CAMK4: variants seen among roughly 807,000 people sequenced by gnomAD.
CAMK4 encodes calcium/calmodulin-dependent protein kinase type IV.
A neutral mutation model predicts 44.9 loss-of-function variants in CAMK4; 22 were observed. The observed-to-expected ratio is 0.49, with a 90% confidence interval of 0.35 to 0.70. CAMK4 has a LOEUF of 0.70. Among genes scored for constraint, CAMK4 ranks in the 30% least tolerant of loss-of-function variants. The probability of loss-of-function intolerance (pLI) is 0.01; values close to 1 mark genes in which losing one functional copy is unlikely to be tolerated. For missense variants in CAMK4, 498 were observed against 586.8 expected (o/e 0.85, Z 1.56); for synonymous variants, 218 against 215.4 (o/e 1.01, Z -0.11).
chr5:111,402,580 A>G (rs1752270611), intron 5 of CAMK4, among the ~76,000 whole-genome samples: 1 of 152,174 alleles, frequency 6.6e-6, no homozygotes, highest in Non-Finnish European at 1.5e-5. Flanking sequence ...CTTATTCCTC[A>G]TTGGCAGAAA....
Position 111,488,074 on chromosome 5 carries a change from G to C in CAMK4, c.*3608G>C, listed in dbSNP as rs895264643. On this transcript the variant is annotated 3_prime_UTR_variant, in exon 11 of 11. Transcript: ENST00000282356. ...CTGCCATGATGCCAATAGCATTCTT[G>C]CTTACCAAAATCTACTCTCAGCCAA... The C allele has an allele frequency of 2.0e-5, 3 of 152,108 alleles. No homozygotes were observed. Among genetic ancestry groups the C allele is most frequent in the Non-Finnish European group, 4.4e-5 (3 of 68,022 alleles). 9.4% of individuals were successfully genotyped at this position (152,108 alleles called of 1,614,324 possible).
intron 1 of CAMK4, among the ~76,000 whole-genome samples, chr5:111,329,926 C>A (rs1469327822): frequency 6.6e-6 from 1 of 151,624 alleles, no homozygotes; most frequent in Non-Finnish European, 1.5e-5. Context: ...ACTTTAAGAT[C>A]AGGAATAAGG....
chr5:111,309,453 C>A (rs1748105190), intron 1 of CAMK4, among the ~76,000 whole-genome samples: 1 of 152,100 alleles, frequency 6.6e-6, no homozygotes, highest in Non-Finnish European at 1.5e-5. Flanking sequence ...AATATGTGCC[C>A]ATTTTTGTTG....
rs79680484 is a variant in CAMK4, at chr5:111,310,054, G to T, written c.162-33970G>T. Among the ~76,000 whole-genome samples, 562 of 152,220 alleles carry T rather than the reference G, an allele frequency of 3.7e-3. 5 individuals are homozygous for T. The highest frequency in any genetic ancestry group is 8.1e-3 in the Admixed American group (124 of 15,294). On this transcript the variant is annotated intron_variant, in intron 1 of 10. Coordinates refer to ENST00000282356, the MANE Select transcript of CAMK4 (RefSeq NM_001744.6). ...AACCTGAGGAGAGTTTACTGACACC[G>T]TTTCATGAGTGCATACATTTACCTG...
intron 4 of CAMK4, among the ~76,000 whole-genome samples, chr5:111,379,243 G>A (rs928649183): frequency 5.3e-5 from 8 of 152,138 alleles, no homozygotes; most frequent in African/African-American, 1.7e-4. Flanking sequence ...ATTGGCTTGA[G>A]TTAATTGGGA....
intron 1 of CAMK4, among the ~76,000 whole-genome samples, chr5:111,335,020 A>G (rs1749339038): frequency 6.6e-6 from 1 of 151,448 alleles, no homozygotes; most frequent in Non-Finnish European, 1.5e-5. Flanking sequence ...TTACATGGCC[A>G]TGAAGCATAT....
intron 5 of CAMK4, among the ~76,000 whole-genome samples, chr5:111,399,446 A>G (rs77529507): frequency 0.04 from 6,139 of 152,284 alleles, 174 homozygotes; most frequent in Middle Eastern, 0.071. Context: ...ATTATTTAAA[A>G]TTGAACAGTA....
Position 111,224,477 on chromosome 5 carries a change from T to C in CAMK4, c.-7T>C. 6.3e-7 allele frequency: 1 copy of C among 1,595,014 alleles called. No homozygotes were observed. Among genetic ancestry groups the C allele is most frequent in the Non-Finnish European group, 8.5e-7 (1 of 1,173,370 alleles). On this transcript the variant is annotated 5_prime_UTR_variant, in exon 1 of 11. Transcript: ENST00000282356. This position sits in a 1 kb window ranked among gnomAD's most constrained non-coding sequence, Gnocchi z 5.7. ...GCGGCGGCGGCTTCCGGAGTCCCGC[T>C]GCGAAGATGCTCAAAGTCACGGTGC...
At chr5:111,326,430 T>A (rs416297) in intron 1 of CAMK4, among the ~76,000 whole-genome samples, 1,890 of 152,064 alleles carry the variant, frequency 0.012, 34 homozygotes, top group African/African-American at 0.043. Flanking sequence ...TTATATCTGT[T>A]AAGTAAATAC....
intron 7 of CAMK4, among the ~76,000 whole-genome samples, chr5:111,463,026 T>C (rs1007201377): frequency 1.3e-5 from 2 of 152,222 alleles, no homozygotes; most frequent in Non-Finnish European, 2.9e-5. Flanking sequence ...AAGTCTGGCA[T>C]CTTGAGAATT....
At chr5:111,430,216 C>A (rs1580742547) in intron 5 of CAMK4, among the ~76,000 whole-genome samples, 1 of 152,098 alleles carries the variant, frequency 6.6e-6, no homozygotes, top group African/African-American at 2.4e-5. Context: ...GGGAAAAAAA[C>A]CATGTGATCA....
chr5:111,228,509 G>GGGGTGTGT lies in CAMK4; in HGVS notation c.161+3866_161+3867insGGTGTGTG, dbSNP rs1554053042. Among the ~76,000 whole-genome samples the GGGGTGTGT allele has an allele frequency of 8.6e-4, 125 of 145,352 alleles. No homozygotes were observed. The East Asian group carries it at 0.011, about 13-fold the overall frequency. ...AACCAAATAGATTTCCATAGTAAGG[G>GGGGTGTGT]GTGTGTGTGTGTGTGTGTGTGTGTG... On this transcript the variant is annotated intron_variant, in intron 1 of 10. Coordinates refer to ENST00000282356, the MANE Select transcript of CAMK4 (RefSeq NM_001744.6).
intron 7 of CAMK4, among the ~76,000 whole-genome samples, chr5:111,453,980 A>G (rs577099605): frequency 6.6e-6 from 1 of 152,136 alleles, no homozygotes; most frequent in Non-Finnish European, 1.5e-5. Flanking sequence ...TCGGTATGTG[A>G]AAGGCATGCT....
chr5:111,399,612 A>G (rs1474424611), intron 5 of CAMK4, among the ~76,000 whole-genome samples: 1 of 152,206 alleles, frequency 6.6e-6, no homozygotes, highest in East Asian at 1.9e-4. Context: ...ACATGAAGAA[A>G]GAGCCATCAT....
chr5:111,227,195 AATT>A (rs1748232713), intron 1 of CAMK4, among the ~76,000 whole-genome samples: 1 of 152,202 alleles, frequency 6.6e-6, no homozygotes, highest in Non-Finnish European at 1.5e-5. Flanking sequence ...TTCTAGATAT[AATT>A]ATTAAGAATC....
At chr5:111,424,197 T>C (rs149781472) in intron 5 of CAMK4, among the ~76,000 whole-genome samples, 133 of 152,276 alleles carry the variant, frequency 8.7e-4, no homozygotes, top group Admixed American at 2.0e-3. Flanking sequence ...ATTAGACAAG[T>C]GAGATGCATC....
chr5:111,227,052 G>C (rs535213641), intron 1 of CAMK4, among the ~76,000 whole-genome samples: 2 of 152,316 alleles, frequency 1.3e-5, no homozygotes, highest in East Asian at 3.9e-4. Context: ...CAGCAGTAAA[G>C]CGTATTGTTA....
intron 5 of CAMK4, among the ~76,000 whole-genome samples, chr5:111,440,169 G>C (rs1370499998): frequency 6.6e-6 from 1 of 152,078 alleles, no homozygotes; most frequent in African/African-American, 2.4e-5. Context: ...TGATGCAAGG[G>C]AACAAAGAGG....
At chr5:111,345,652 T>G (rs562430268) in intron 2 of CAMK4, among the ~76,000 whole-genome samples, 1 of 152,018 alleles carries the variant, frequency 6.6e-6, no homozygotes, top group South Asian at 2.1e-4. Context: ...GTCTAGGAAA[T>G]AAATACTTAG....
Sources: gnomAD v4.1 joint callset for allele counts (sites outside exome capture counted in the v4.1 genomes callset) on GRCh38, gnomAD v4.1.1 for gene constraint, Gnocchi (gnomAD v3.1) non-coding constraint, MANE v1.5 for transcripts, NCBI Gene and HGNC (gene_info 2026-07-23, HGNC 2026-07-21) for gene names.